Variants in DCTN6 observed in about 807,000 individuals in gnomAD.
DCTN6 encodes dynactin subunit 6.
Under a neutral mutation model 25.8 loss-of-function variants are expected in DCTN6, and 15 were observed. The observed-to-expected ratio is 0.58, with a 90% CI of 0.39 to 0.89. DCTN6 has a LOEUF of 0.89. DCTN6 is among the 40% of genes least tolerant of loss of function. DCTN6 has a pLI of 0.00. For synonymous variants in DCTN6, 64 were observed against 78.3 expected (o/e 0.82, Z 0.96); for missense variants, 198 against 237.6 (o/e 0.83, Z 1.09).
chr8:30,179,518 G>A (rs1803886221), intron 5 of DCTN6, 63 bp downstream of exon 5: 1 of 1,423,896 alleles, frequency 7.0e-7, no homozygotes, highest in Admixed American at 1.9e-5. Flanking sequence ...TGGTGTCCTG[G>A]GAAACAACCT....
intron 6 of DCTN6, among the ~76,000 whole-genome samples, chr8:30,182,848 A>G (rs1360315487): frequency 2.0e-5 from 3 of 151,960 alleles, no homozygotes; most frequent in Non-Finnish European, 4.4e-5. Flanking sequence ...CTGAGTAGCT[A>G]TGACTACAGG....
intron 3 of DCTN6, 122 bp downstream of exon 3, chr8:30,175,312 G>A: frequency 1.4e-6 from 1 of 735,094 alleles, no homozygotes; most frequent in East Asian, 2.8e-5. Context: ...AGCTAGAGAA[G>A]CATTAAGGGT....
At chr8:30,157,934 A>C (rs1410364693) in intron 1 of DCTN6, among the ~76,000 whole-genome samples, 1 of 152,228 alleles carries the variant, frequency 6.6e-6, no homozygotes, top group Admixed American at 6.5e-5. Context: ...ATAGCAGTAG[A>C]TAGTAGCTTA....
rs200674335 is a variant in DCTN6, at chr8:30,175,174, G to C, written c.178G>C (p.Ala60Pro). 1 of 1,613,846 alleles carries C rather than the reference G, an allele frequency of 6.2e-7. No homozygotes were observed. Among genetic ancestry groups the C allele is most frequent in the East Asian group, 2.2e-5 (1 of 44,868 alleles). Reference protein sequence around the residue: ...IGEGNLIEEQALIINAYPDNI... With the variant: ...IGEGNLIEEQPLIINAYPDNI... ...CGAAGGGAACCTAATAGAAGAACAG[G>C]CCCTTATCATAAATGCGTAAGACTC... The change falls in exon 3 of 7, where the codon GCC (alanine) becomes CCC (proline). Residue 60 changes from alanine to proline, a missense_variant. Physicochemically the swap from Ala to Pro is conservative, Grantham distance 27. Transcript: ENST00000221114.
chr8:30,178,472 A>T (rs1210155178), intron 4 of DCTN6, among the ~76,000 whole-genome samples: 2 of 118,022 alleles, frequency 1.7e-5, no homozygotes, highest in East Asian at 7.6e-4. Flanking sequence ...AAAAAGATTA[A>T]AAAAAAAAAA....
intron 1 of DCTN6, among the ~76,000 whole-genome samples, chr8:30,161,994 G>C (rs1209059399): frequency 6.6e-6 from 1 of 151,962 alleles, no homozygotes; most frequent in African/African-American, 2.4e-5. Flanking sequence ...CAATCCGCCA[G>C]CCTTGGCCTC....
chr8:30,160,863 T>C (rs1200792133), intron 1 of DCTN6, among the ~76,000 whole-genome samples: 1 of 152,204 alleles, frequency 6.6e-6, no homozygotes, highest in African/African-American at 2.4e-5. Context: ...TTGTGGTCCA[T>C]GGGGCCTGTA....
At chr8:30,174,814 G>A (rs974266405) in intron 2 of DCTN6, among the ~76,000 whole-genome samples, 28 of 152,144 alleles carry the variant, frequency 1.8e-4, no homozygotes, top group African/African-American at 5.8e-4. Flanking sequence ...CTGTTTCACC[G>A]CTGAGATCAC....
chr8:30,183,280 C>T lies in DCTN6; in HGVS notation c.*107C>T. ...CAACTCACAGAATAATACATGTTCA[C>T]TTTATTTTGTAAAATTGGGTTGAGA... On this transcript the variant is annotated 3_prime_UTR_variant, in exon 7 of 7. Transcript: ENST00000221114. 2 of 809,104 alleles carry T rather than the reference C, an allele frequency of 2.5e-6. No homozygotes were observed. Among genetic ancestry groups the T allele is most frequent in the Non-Finnish European group, 3.7e-6 (2 of 534,888 alleles). The allele number at this position is 809,104 out of a possible 1,614,324, so 50.1% of individuals were successfully genotyped here. A position where few individuals can be genotyped will look rare whatever the true frequency, so the allele number is the denominator to read the frequency against.
chr8:30,172,899 G>A (rs983135479), intron 2 of DCTN6, among the ~76,000 whole-genome samples: 1 of 151,984 alleles, frequency 6.6e-6, no homozygotes, highest in Non-Finnish European at 1.5e-5. Context: ...TGTTATATAT[G>A]CATATATATT....
intron 2 of DCTN6, among the ~76,000 whole-genome samples, chr8:30,167,345 T>C (rs1803692230): frequency 6.6e-6 from 1 of 152,158 alleles, no homozygotes; most frequent in Non-Finnish European, 1.5e-5. Context: ...ACTTTCCTTT[T>C]AGTTTGTTTG....
chr8:30,177,167 C>A lies in DCTN6; in HGVS notation c.236C>A (p.Pro79Gln), dbSNP rs1299063741. Residue 79 changes from proline (P) to glutamine (Q), a missense_variant, in exon 4 of 7, where the codon CCA (proline) becomes CAA (glutamine). Coordinates refer to ENST00000221114, the MANE Select transcript of DCTN6 (RefSeq NM_006571.4). ...ACTCCTGACACTGAAGATCCAGAAC[C>A]AAAACCTATGATCATTGGCACCAAT... ...NITPDTEDPE[P>Q]KPMIIGTNNV... 1 of 1,613,792 alleles carries A rather than the reference C, an allele frequency of 6.2e-7. No homozygotes were observed.
At chr8:30,162,836 A>G (rs1158433768) in intron 1 of DCTN6, among the ~76,000 whole-genome samples, 1 of 152,204 alleles carries the variant, frequency 6.6e-6, no homozygotes, top group African/African-American at 2.4e-5. Flanking sequence ...TGTAAATTTT[A>G]AATTTCTAAG....
intron 1 of DCTN6, among the ~76,000 whole-genome samples, chr8:30,159,990 T>C (rs1423050145): frequency 1.3e-5 from 2 of 152,092 alleles, no homozygotes; most frequent in Non-Finnish European, 2.9e-5. Flanking sequence ...TTGGTTGTTT[T>C]TCTGGCATAA....
chr8:30,162,215 C>T (rs1476474335), intron 1 of DCTN6, among the ~76,000 whole-genome samples: 1 of 151,444 alleles, frequency 6.6e-6, no homozygotes, highest in Non-Finnish European at 1.5e-5. Context: ...TCAGCCTCCC[C>T]AGTAGCTGGG....
intron 2 of DCTN6, among the ~76,000 whole-genome samples, chr8:30,174,088 C>T (rs1008058083): frequency 2.0e-5 from 3 of 152,326 alleles, no homozygotes; most frequent in Non-Finnish European, 4.4e-5. Context: ...CCCTTCAATT[C>T]GAGACTAGAG....
intron 2 of DCTN6, among the ~76,000 whole-genome samples, chr8:30,169,784 G>A (rs548927642): frequency 1.1e-4 from 16 of 152,208 alleles, no homozygotes; most frequent in South Asian, 1.0e-3. Flanking sequence ...TGAGTTGCTG[G>A]GCTCTGGGCT....
chr8:30,177,306 C>G (rs926842621), intron 4 of DCTN6, 92 bp downstream of exon 4: 22 of 995,510 alleles, frequency 2.2e-5, no homozygotes, highest in Non-Finnish European at 3.2e-5. Context: ...ATTCCTGGCT[C>G]TCCTTTAGTA....
chr8:30,170,999 A>T (rs1803755426), intron 2 of DCTN6, among the ~76,000 whole-genome samples: 1 of 152,190 alleles, frequency 6.6e-6, no homozygotes, highest in Non-Finnish European at 1.5e-5. Context: ...AAAAATTTTT[A>T]AAAAGTGTGC....
Sources: gnomAD v4.1 joint callset for allele counts (sites outside exome capture counted in the v4.1 genomes callset) on GRCh38, gnomAD v4.1.1 for gene constraint, MANE v1.5 for transcripts, NCBI Gene and HGNC (gene_info 2026-07-23, HGNC 2026-07-21) for gene names.